TSPAN11: variants seen among roughly 807,000 people sequenced by gnomAD.
The protein encoded by TSPAN11 is tetraspanin-11.
Under a neutral mutation model 32.9 loss-of-function variants are expected in TSPAN11, and 29 were observed. The ratio of observed to expected loss-of-function variants is 0.88; its 90% CI spans 0.66 to 1.20. The LOEUF is 1.20. TSPAN11 is among the 50% of genes most tolerant of loss of function. The pLI is 0.00. For synonymous variants in TSPAN11, 140 were observed against 141.3 expected (o/e 0.99, Z 0.07); for missense variants, 283 against 329.1 (o/e 0.86, Z 1.08).
At chr12:30,928,469 G>C (rs995693986) in intron 1 of TSPAN11, among the ~76,000 whole-genome samples, 1 of 152,168 alleles carries the variant, frequency 6.6e-6, no homozygotes, top group Non-Finnish European at 1.5e-5. Context: ...GGCTGAAGAA[G>C]GAGGGAGGCA....
At chr12:30,959,753 C>CTGCGCGACCGAG (rs1565794929) in intron 2 of TSPAN11, among the ~76,000 whole-genome samples, 1 of 143,864 alleles carries the variant, frequency 7.0e-6, no homozygotes, top group African/African-American at 2.6e-5. Flanking sequence ...GTGCTCCAGG[C>CTGCGCGACCGAG]TGCGCGACCG....
rs1471888266 is a variant in TSPAN11, at chr12:30,993,007, G to A, written c.*1092G>A. Reference sequence around the variant, plus strand: ...TCACTAAGTTCAGCAGGGAATTTGCGGAATTTTCAGGAAGAACTTTCCCCA... The same window carrying A: ...TCACTAAGTTCAGCAGGGAATTTGCAGAATTTTCAGGAAGAACTTTCCCCA... On this transcript the variant is annotated 3_prime_UTR_variant, in exon 8 of 8. Transcript: ENST00000546076. The A allele has an allele frequency of 7.2e-5, 11 of 152,188 alleles. No homozygotes were observed. Among genetic ancestry groups the A allele is most frequent in the East Asian group, 3.9e-4 (2 of 5,194 alleles). 9.4% of individuals were successfully genotyped at this position (152,188 alleles called of 1,614,324 possible).
intron 3 of TSPAN11, among the ~76,000 whole-genome samples, chr12:30,974,865 GAA>G (rs1490691086): frequency 2.0e-5 from 3 of 152,398 alleles, no homozygotes; most frequent in Middle Eastern, 3.4e-3. Flanking sequence ...GCTGAGGAGA[GAA>G]GGGCAAAGCA....
At chr12:30,966,180 A>C (rs1442403195) in intron 3 of TSPAN11, among the ~76,000 whole-genome samples, 1 of 152,138 alleles carries the variant, frequency 6.6e-6, no homozygotes, top group Non-Finnish European at 1.5e-5. Flanking sequence ...GGCTCCCCCA[A>C]GCAGGCAGGG....
downstream of TSPAN11, among the ~76,000 whole-genome samples, chr12:31,001,561 A>G (rs776659000): frequency 6.6e-5 from 10 of 152,152 alleles, no homozygotes; most frequent in Non-Finnish European, 1.3e-4. Flanking sequence ...GAGTTACTTG[A>G]GTATTCAGTA....
chr12:30,958,502 G>A (rs992191492), intron 2 of TSPAN11, among the ~76,000 whole-genome samples: 7 of 152,156 alleles, frequency 4.6e-5, no homozygotes, highest in East Asian at 3.9e-4. Context: ...CTGGGGTGCC[G>A]TCCACCCTGC....
chr12:30,974,381 G>A (rs993842293), intron 3 of TSPAN11, among the ~76,000 whole-genome samples: 3 of 152,310 alleles, frequency 2.0e-5, no homozygotes, highest in South Asian at 2.1e-4. Context: ...TCCGGGCCTC[G>A]ACCCTCTAGA....
At chr12:30,950,556 T>C (rs1938362309) in intron 1 of TSPAN11, among the ~76,000 whole-genome samples, 1 of 152,234 alleles carries the variant, frequency 6.6e-6, no homozygotes, top group South Asian at 2.1e-4. Flanking sequence ...CTTCCTCTGC[T>C]GTACCAGGGT....
chr12:30,979,024 G>T (rs897390406), intron 4 of TSPAN11: 1 of 270,412 alleles, frequency 3.7e-6, no homozygotes, highest in Non-Finnish European at 7.1e-6. Flanking sequence ...ATTAAGCAAG[G>T]ATGGAGTGAG....
intron 7 of TSPAN11, among the ~76,000 whole-genome samples, chr12:30,990,067 T>C (rs1244756631): frequency 6.6e-6 from 1 of 152,196 alleles, no homozygotes; most frequent in Non-Finnish European, 1.5e-5. Flanking sequence ...AGGAGGGAGA[T>C]GGCAATGCCT....
At chr12:30,947,825 CCATCCCCCAAAGTCTTATTTCAG>C (rs1938299805) in intron 1 of TSPAN11, among the ~76,000 whole-genome samples, 1 of 152,144 alleles carries the variant, frequency 6.6e-6, no homozygotes, top group African/African-American at 2.4e-5. Flanking sequence ...GCCTTCCCAT[CCATCCCCCAAAGTCTTATTTCAG>C]CATTAACCCA....
rs1939118385 is a variant in TSPAN11, at chr12:30,982,673, A to C, written c.598A>C (p.Asn200His). ...CTGCGGCCAGCGGGCCCACCCCTCC[A>C]ACATCTATAAGGTGGAGGTGAGCAC... ...VRCGQRAHPS[N>H]IYKVEGGCLT... The change falls in exon 6 of 8, where the codon AAC becomes CAC. Residue 200 changes from asparagine (N) to histidine (H), a missense_variant. Transcript: ENST00000546076. 6.3e-7 allele frequency: 1 copy of C among 1,587,102 alleles called. No individual in the cohort carries two copies. The highest frequency in any genetic ancestry group is 8.6e-7 in the Non-Finnish European group (1 of 1,166,286).
chr12:30,960,002 A>T (rs1054716965), intron 2 of TSPAN11, among the ~76,000 whole-genome samples: 2 of 149,972 alleles, frequency 1.3e-5, no homozygotes, highest in Admixed American at 1.3e-4. Context: ...GAGCCAACTG[A>T]GGTGGGGAAC....
At chr12:30,933,662 G>A (rs1937981253) in intron 1 of TSPAN11, among the ~76,000 whole-genome samples, 1 of 152,168 alleles carries the variant, frequency 6.6e-6, no homozygotes, top group Non-Finnish European at 1.5e-5. Context: ...GTCAGGTCAA[G>A]CAAACAGTGG....
chr12:30,949,629 G>A (rs1179254860), intron 1 of TSPAN11, among the ~76,000 whole-genome samples: 1 of 152,142 alleles, frequency 6.6e-6, no homozygotes, highest in African/African-American at 2.4e-5. Flanking sequence ...TGGGAATTCT[G>A]GGAGATACAA....
intron 7 of TSPAN11, among the ~76,000 whole-genome samples, chr12:30,985,380 G>A (rs1358457337): frequency 6.6e-6 from 1 of 151,924 alleles, no homozygotes; most frequent in Non-Finnish European, 1.5e-5. Flanking sequence ...GCATTAGTAC[G>A]TTGTCTCTCA....
intron 1 of TSPAN11, among the ~76,000 whole-genome samples, chr12:30,952,156 TG>T (rs1938394881): frequency 6.6e-6 from 1 of 152,178 alleles, no homozygotes; most frequent in Non-Finnish European, 1.5e-5. Flanking sequence ...GCCTCTTTGC[TG>T]CAAGTAGAGA....
At chr12:30,985,085 A>G (rs1565804405) in intron 7 of TSPAN11, among the ~76,000 whole-genome samples, 1 of 152,068 alleles carries the variant, frequency 6.6e-6, no homozygotes, top group Non-Finnish European at 1.5e-5. Flanking sequence ...CCACCTACCC[A>G]CATCATCTGT....
chr12:30,964,149 C>T, intron 3 of TSPAN11, 132 bp downstream of exon 3: 1 of 1,164,508 alleles, frequency 8.6e-7, no homozygotes, highest in Admixed American at 2.5e-5. Flanking sequence ...GAAGGGGTGG[C>T]TGCTCCTGGG....
Sources: gnomAD v4.1 joint callset for allele counts (sites outside exome capture counted in the v4.1 genomes callset) on GRCh38, gnomAD v4.1.1 for gene constraint, MANE v1.5 for transcripts, NCBI Gene and HGNC (gene_info 2026-07-23, HGNC 2026-07-21) for gene names.